SLC41A2: variants seen among roughly 807,000 people sequenced by gnomAD.
SLC41A2 encodes the protein SLC41A1-like 1.
A neutral mutation model predicts 58.3 loss-of-function variants in SLC41A2; 32 were observed. That is an observed-to-expected ratio of 0.55 (90% confidence interval 0.41 to 0.74). The LOEUF (loss-of-function observed/expected upper bound fraction) is 0.74, where lower values mean the gene tolerates loss of function less well. Ranked by LOEUF, SLC41A2 falls within the 30% of genes least tolerant of loss-of-function variation. The pLI is 0.00. For synonymous variants in SLC41A2, 190 were observed against 235.0 expected (o/e 0.81, Z 1.75); for missense variants, 514 against 680.6 (o/e 0.76, Z 2.72).
intron 2 of SLC41A2, among the ~76,000 whole-genome samples, chr12:104,924,744 CA>C (rs529908518): frequency 8.6e-4 from 117 of 136,448 alleles, no homozygotes; most frequent in Admixed American, 1.0e-3. Context: ...AACTCTGTCT[CA>C]AAAAAAAAAA....
At chr12:104,823,470 C>CAT (rs143076230) in intron 10 of SLC41A2, among the ~76,000 whole-genome samples, 2,515 of 149,708 alleles carry the variant, frequency 0.017, 52 homozygotes, top group African/African-American at 0.051. Context: ...AATAGACCTG[C>CAT]ATATATATAT....
intron 10 of SLC41A2, among the ~76,000 whole-genome samples, chr12:104,808,992 C>T (rs1429011081): frequency 1.3e-5 from 2 of 152,178 alleles, no homozygotes; most frequent in African/African-American, 4.8e-5. Flanking sequence ...GCAAGTATAG[C>T]ACAGTGGTTA....
At chr12:104,876,038 T>A (rs2044025730) in intron 6 of SLC41A2, among the ~76,000 whole-genome samples, 1 of 152,202 alleles carries the variant, frequency 6.6e-6, no homozygotes, top group African/African-American at 2.4e-5. Context: ...TTTCTAAGAA[T>A]TTATCCATTT....
intron 1 of SLC41A2, among the ~76,000 whole-genome samples, chr12:104,954,718 T>C (rs181582170): frequency 6.6e-6 from 1 of 152,368 alleles, no homozygotes; most frequent in Admixed American, 6.5e-5. Context: ...AAAGGGTTAA[T>C]TCATATATCC....
At chr12:104,827,143 G>T (rs1051923221) in intron 10 of SLC41A2, among the ~76,000 whole-genome samples, 2 of 152,232 alleles carry the variant, frequency 1.3e-5, no homozygotes, top group African/African-American at 4.8e-5. Flanking sequence ...GAGCGGCTAA[G>T]AGAGGCCTTC....
At chr12:104,829,979 A>G (rs1262960996) in intron 10 of SLC41A2, among the ~76,000 whole-genome samples, 1 of 152,238 alleles carries the variant, frequency 6.6e-6, no homozygotes, top group Non-Finnish European at 1.5e-5. Context: ...GACAAAGACT[A>G]TATGGCCTAA....
At chr12:104,817,411 G>A (rs561083150) in intron 10 of SLC41A2, among the ~76,000 whole-genome samples, 1 of 152,122 alleles carries the variant, frequency 6.6e-6, no homozygotes. Flanking sequence ...AAATCTTTTT[G>A]CTAATCATTT....
intron 6 of SLC41A2, among the ~76,000 whole-genome samples, chr12:104,873,254 T>C (rs568696279): frequency 6.6e-6 from 1 of 152,206 alleles, no homozygotes; most frequent in Non-Finnish European, 1.5e-5. Flanking sequence ...TTTTTAAAGA[T>C]TCTCTATATA....
intron 6 of SLC41A2, among the ~76,000 whole-genome samples, chr12:104,884,150 A>G (rs942547115): frequency 2.0e-5 from 3 of 152,220 alleles, no homozygotes; most frequent in South Asian, 2.1e-4. Flanking sequence ...CACCAAGCCA[A>G]GTGTGGGATA....
At chr12:104,952,231 C>T (rs1436615428) in intron 1 of SLC41A2, among the ~76,000 whole-genome samples, 2 of 152,148 alleles carry the variant, frequency 1.3e-5, no homozygotes, top group Admixed American at 1.3e-4. Context: ...TAGACTCTAT[C>T]AACGAAGATT....
At chr12:104,870,264 G>A (rs953458668) in intron 6 of SLC41A2, among the ~76,000 whole-genome samples, 1 of 152,144 alleles carries the variant, frequency 6.6e-6, no homozygotes, top group Non-Finnish European at 1.5e-5. Context: ...CGAGAACACC[G>A]GCAGGCAGCT....
chr12:104,886,508 A>C, intron 5 of SLC41A2, 69 bp from the exon 6 acceptor site: 1 of 1,495,450 alleles, frequency 6.7e-7, no homozygotes, highest in Non-Finnish European at 9.2e-7. Context: ...AAATACCAAA[A>C]TGTGTAGGAT....
chr12:104,942,140 A>G (rs886764320), intron 1 of SLC41A2, among the ~76,000 whole-genome samples: 3 of 152,114 alleles, frequency 2.0e-5, no homozygotes, highest in Non-Finnish European at 4.4e-5. Flanking sequence ...TCTTACATGT[A>G]TCTTATTTTT....
chr12:104,925,551 C>T (rs1263456609), intron 2 of SLC41A2, among the ~76,000 whole-genome samples: 1 of 131,406 alleles, frequency 7.6e-6, no homozygotes, highest in African/African-American at 3.2e-5. Flanking sequence ...GAGCGAGGCT[C>T]CATCTCAAAA....
At chr12:104,919,886 T>G (rs796510249) in intron 2 of SLC41A2, among the ~76,000 whole-genome samples, 17 of 152,350 alleles carry the variant, frequency 1.1e-4, no homozygotes, top group African/African-American at 3.8e-4. Flanking sequence ...GTGTAAGAAC[T>G]CTGCTTAGTC....
chr12:104,887,346 G>C (rs2044720302), intron 5 of SLC41A2, among the ~76,000 whole-genome samples: 1 of 151,830 alleles, frequency 6.6e-6, no homozygotes, highest in Admixed American at 6.6e-5. Flanking sequence ...ATAAAACTGA[G>C]GTCCTGTAGA....
intron 8 of SLC41A2, among the ~76,000 whole-genome samples, chr12:104,852,795 T>C (rs1565841624): frequency 6.6e-6 from 1 of 152,208 alleles, no homozygotes; most frequent in Non-Finnish European, 1.5e-5. Flanking sequence ...TCATTGGTTA[T>C]ATTTTTAAAC....
chr12:104,922,476 G>GTATA (rs58387912), intron 2 of SLC41A2, among the ~76,000 whole-genome samples: 30 of 148,918 alleles, frequency 2.0e-4, no homozygotes, highest in African/African-American at 4.9e-4. Context: ...CATAACAATT[G>GTATA]TATATATATA....
intron 8 of SLC41A2, among the ~76,000 whole-genome samples, chr12:104,859,981 G>A (rs117755901): frequency 0.013 from 2,027 of 152,152 alleles, 22 homozygotes; most frequent in Middle Eastern, 0.027. Flanking sequence ...GAGCTTGAAC[G>A]ATCCACTTGC....
Sources: allele counts gnomAD v4.1 joint callset (sites outside exome capture counted in the v4.1 genomes callset), GRCh38; gene constraint gnomAD v4.1.1; transcripts MANE v1.5; gene names NCBI Gene and HGNC (gene_info 2026-07-23, HGNC 2026-07-21).